The following SLIT3 variants were observed in gnomAD, a reference collection of about 807,000 sequenced individuals.
SLIT3 encodes slit homolog 3 protein.
SLIT3 carries 68 observed loss-of-function variants against 184.0 expected under a neutral mutation model. The ratio of observed to expected loss-of-function variants is 0.37; its 90% CI spans 0.30 to 0.45. The LOEUF (loss-of-function observed/expected upper bound fraction) is 0.45, where lower values mean the gene tolerates loss of function less well. Ranked by LOEUF, SLIT3 falls within the 20% of genes least tolerant of loss-of-function variation. The pLI is 1.00. For synonymous variants in SLIT3, 831 were observed against 828.6 expected (o/e 1.00, Z -0.05); for missense variants, 1,707 against 2,026.0 (o/e 0.84, Z 3.02).
intron 27 of SLIT3, among the ~76,000 whole-genome samples, chr5:168,696,748 G>A (rs1020218929): frequency 6.6e-6 from 1 of 152,168 alleles, no homozygotes; most frequent in Non-Finnish European, 1.5e-5. Context: ...GTGGTTTCCT[G>A]GATATGGCTT....
intron 4 of SLIT3, among the ~76,000 whole-genome samples, chr5:168,933,940 A>G (rs1562013905): frequency 1.3e-5 from 2 of 152,182 alleles, no homozygotes; most frequent in Non-Finnish European, 1.5e-5. Context: ...TTCATTTATT[A>G]TTCAACCAAT....
At chr5:169,278,488 A>G (rs1431591129) in intron 1 of SLIT3, among the ~76,000 whole-genome samples, 2 of 152,204 alleles carry the variant, frequency 1.3e-5, no homozygotes, top group East Asian at 3.9e-4. Flanking sequence ...TCTTCTGAGC[A>G]CTAAAATGAA....
chr5:169,011,482 G>A (rs2113456855), intron 4 of SLIT3, among the ~76,000 whole-genome samples: 1 of 152,230 alleles, frequency 6.6e-6, no homozygotes, highest in Middle Eastern at 3.4e-3. Context: ...GGCTCAATGA[G>A]GACAGTGTGG....
chr5:168,697,935 G>T (rs1036727095), intron 27 of SLIT3, among the ~76,000 whole-genome samples: 11 of 152,202 alleles, frequency 7.2e-5, no homozygotes, highest in Non-Finnish European at 1.5e-4. Context: ...AGATATGGTG[G>T]CTGGTCGAGG....
At chr5:168,848,411 C>T (rs1758557236) in intron 5 of SLIT3, among the ~76,000 whole-genome samples, 1 of 152,040 alleles carries the variant, frequency 6.6e-6, no homozygotes, top group Non-Finnish European at 1.5e-5. Flanking sequence ...TTCTATGGGT[C>T]CAGGATGAAG....
chr5:169,059,459 A>T (rs993383767), intron 4 of SLIT3, among the ~76,000 whole-genome samples: 2 of 152,084 alleles, frequency 1.3e-5, no homozygotes, highest in Non-Finnish European at 2.9e-5. Context: ...CCAGACATCA[A>T]GTCGTTTACC....
intron 9 of SLIT3, among the ~76,000 whole-genome samples, chr5:168,798,117 A>T (rs1756633330): frequency 1.3e-5 from 2 of 152,190 alleles, no homozygotes; most frequent in African/African-American, 4.8e-5. Context: ...CGAAGAAAAA[A>T]GAATTCCAGG....
chr5:168,852,229 T>C (rs1456772665), intron 5 of SLIT3, among the ~76,000 whole-genome samples: 1 of 152,214 alleles, frequency 6.6e-6, no homozygotes, highest in East Asian at 1.9e-4. Flanking sequence ...ACTGGGAAGA[T>C]GAAATGTGCT....
chr5:169,077,242 G>A (rs1758780880), intron 4 of SLIT3, among the ~76,000 whole-genome samples: 1 of 152,020 alleles, frequency 6.6e-6, no homozygotes, highest in South Asian at 2.1e-4. Flanking sequence ...TTTATTGTAA[G>A]AATACAGTAT....
intron 4 of SLIT3, among the ~76,000 whole-genome samples, chr5:169,035,741 T>C (rs932845989): frequency 1.2e-4 from 18 of 151,666 alleles, no homozygotes; most frequent in African/African-American, 4.4e-4. Context: ...AGATGAGGCA[T>C]CTGAGGCCCA....
intron 1 of SLIT3, among the ~76,000 whole-genome samples, chr5:169,266,880 A>G (rs557124460): frequency 7.9e-5 from 12 of 152,348 alleles, no homozygotes; most frequent in Admixed American, 2.0e-4. Flanking sequence ...TAGGGTCACA[A>G]TAATTCTCAC....
intron 4 of SLIT3, among the ~76,000 whole-genome samples, chr5:169,188,446 C>T (rs1204498277): frequency 1.3e-5 from 2 of 152,214 alleles, no homozygotes; most frequent in Non-Finnish European, 2.9e-5. Context: ...CATGCAAGAT[C>T]ATGCTCCATC....
chr5:169,170,255 T>C lies in SLIT3; in HGVS notation c.413+23224A>G, dbSNP rs187756388. Among the ~76,000 whole-genome samples the C allele has an allele frequency of 2.8e-4, 43 of 152,334 alleles. No individual in the cohort carries two copies. The East Asian group carries it at 7.7e-3, about 27-fold the overall frequency. On this transcript the variant is annotated intron_variant, in intron 4 of 35. Transcript: ENST00000519560. ...TTGCTAGGCACCCTATTCTTTGGGA[T>C]GAAGACCATGATGTTGGTCCCATCT...
intron 3 of SLIT3, among the ~76,000 whole-genome samples, chr5:169,211,484 T>A (rs1764262133): frequency 6.6e-6 from 1 of 152,074 alleles, no homozygotes; most frequent in African/African-American, 2.4e-5. Context: ...CATCTCCCTA[T>A]CCCGTTACCC....
chr5:168,700,700 A>C, intron 26 of SLIT3, 21 bp from the exon 27 acceptor site: 3 of 1,597,644 alleles, frequency 1.9e-6, no homozygotes, highest in Non-Finnish European at 2.6e-6. Flanking sequence ...AAAGAGGGAG[A>C]AGCACCTGGT....
intron 4 of SLIT3, among the ~76,000 whole-genome samples, chr5:168,907,415 G>C (rs1761086504): frequency 6.6e-6 from 1 of 152,286 alleles, no homozygotes; most frequent in African/African-American, 2.4e-5. Context: ...CAGTTAGAGG[G>C]CCTTTCTTTC....
At chr5:169,289,637 A>T (rs1767271641) in intron 1 of SLIT3, among the ~76,000 whole-genome samples, 1 of 152,184 alleles carries the variant, frequency 6.6e-6, no homozygotes, top group Non-Finnish European at 1.5e-5. Context: ...AGGCCATGAA[A>T]TCCAATTTCA....
chr5:168,826,059 G>A (rs1301913844), intron 6 of SLIT3, among the ~76,000 whole-genome samples: 2 of 152,184 alleles, frequency 1.3e-5, no homozygotes, highest in South Asian at 2.1e-4. Context: ...ACATCAGGTG[G>A]AGTTCACAGC....
chr5:169,109,724 TG>T (rs2113255049), intron 4 of SLIT3, among the ~76,000 whole-genome samples: 1 of 152,308 alleles, frequency 6.6e-6, no homozygotes, highest in South Asian at 2.1e-4. Flanking sequence ...GAGTCTCTGG[TG>T]TGTGTTCCTG....
Sources: gnomAD v4.1 joint callset for allele counts (sites outside exome capture counted in the v4.1 genomes callset) on GRCh38, gnomAD v4.1.1 for gene constraint, MANE v1.5 for transcripts, NCBI Gene and HGNC (gene_info 2026-07-23, HGNC 2026-07-21) for gene names.